TAF4: variants seen among roughly 807,000 people sequenced by gnomAD.
TAF4 encodes TATA-box binding protein associated factor 4.
In TAF4, 9 loss-of-function variants were observed where a neutral mutation model predicts 90.3. The observed-to-expected ratio is 0.10, with a 90% CI of 0.06 to 0.17. TAF4 has a LOEUF of 0.17. Among genes scored for constraint, TAF4 ranks in the 10% least tolerant of loss-of-function variants. TAF4 has a pLI of 1.00. For synonymous variants in TAF4, 818 were observed against 638.9 expected, an observed-to-expected ratio of 1.28 and a Z score of -4.23; for missense variants, 1,351 against 1,370.7, an observed-to-expected ratio of 0.99 and a Z score of 0.23.
chr20:62,062,309 G>C (rs1568945781), intron 1 of TAF4, among the ~76,000 whole-genome samples: 1 of 152,100 alleles, frequency 6.6e-6, no homozygotes, highest in Non-Finnish European at 1.5e-5. Flanking sequence ...AGTAACCAGA[G>C]TATTTGCAAT....
rs1156889580 is a variant in TAF4, at chr20:62,064,865, C to A, written c.946G>T (p.Ala316Ser). 3.2e-6 allele frequency: 3 copies of A among 934,834 alleles called. No individual in the cohort carries two copies. The highest frequency in any genetic ancestry group is 1.3e-4 in the East Asian group (1 of 7,856). The allele number at this position is 934,834 out of a possible 1,614,324, so 57.9% of individuals were successfully genotyped here. A position where few individuals can be genotyped will look rare whatever the true frequency, so the allele number is the denominator to read the frequency against. ...CCCGCGGGGCCCCCGGCGGCCGGGG[C>A]GGGGGCGGGGGCTGCCCCGGCGCTG... ...GGSAGAAPAP[A>S]PAAGGPAGVS... is the part of the protein sequence containing the mutation. Residue 316 changes from alanine to serine, a missense_variant, in exon 1 of 15, where the codon GCC (alanine) becomes TCC (serine). By Grantham distance (99) the Ala-to-Ser change is moderately conservative. Around this residue, in one of 9 missense-constraint regions of TAF4, gnomAD observed 782 missense variants for 536.6 expected, o/e 1.46. Coordinates refer to ENST00000252996, the MANE Select transcript of TAF4 (RefSeq NM_003185.4).
At chr20:62,050,891 G>T (rs960525817) in intron 1 of TAF4, among the ~76,000 whole-genome samples, 7 of 151,954 alleles carry the variant, frequency 4.6e-5, no homozygotes, top group Non-Finnish European at 7.4e-5. Flanking sequence ...CACCCAGCAA[G>T]GCCCCTTTCT....
chr20:62,047,091 T>C (rs560070009), intron 1 of TAF4, among the ~76,000 whole-genome samples: 1 of 152,344 alleles, frequency 6.6e-6, no homozygotes, highest in South Asian at 2.1e-4. Flanking sequence ...TCTGCCCTAT[T>C]AGTTCATGCT....
chr20:62,007,719 T>C lies in TAF4; in HGVS notation c.1885-83A>G. On this transcript the variant is annotated intron_variant, in intron 5 of 14. Coordinates refer to ENST00000252996, the MANE Select transcript of TAF4 (RefSeq NM_003185.4). The stretch of plus-strand genomic sequence containing the variant: ...AATCCCGCATCACTCTGGTCTCGTA[T>C]TTTACGGCTGATTCCGCCCCGAGTT... 1.5e-6 allele frequency: 2 copies of C among 1,351,380 alleles called. 1 individual carries two copies. 83.7% of individuals were successfully genotyped at this position (1,351,380 alleles called of 1,614,324 possible). A position where few individuals can be genotyped will look rare whatever the true frequency, so the allele number is the denominator to read the frequency against.
At chr20:62,000,513 G>A (rs764311318) in intron 10 of TAF4, 39 bp downstream of exon 10, 157 of 1,595,884 alleles carry the variant, frequency 9.8e-5, no homozygotes, top group Non-Finnish European at 1.3e-4. Flanking sequence ...CAGCAGCGCA[G>A]CTGTTTAATA....
chr20:62,018,441 T>C (rs563014297), intron 1 of TAF4, among the ~76,000 whole-genome samples: 2 of 152,334 alleles, frequency 1.3e-5, no homozygotes, highest in African/African-American at 4.8e-5. Context: ...TCTCAAGACA[T>C]AACTAATTTA....
intron 14 of TAF4, chr20:61,980,433 C>T (rs1056645594): frequency 1.3e-5 from 2 of 152,268 alleles, no homozygotes; most frequent in Admixed American, 1.3e-4. Flanking sequence ...AATGCTGTGC[C>T]CACAGCCGCC....
rs2055771362 is a variant in TAF4 at position 62,010,295 on chromosome 20, C to T, written c.1642-130G>A. On this transcript the variant is annotated intron_variant, in intron 3 of 14. Transcript: ENST00000252996. This position sits in a 1 kb window ranked among gnomAD's most constrained non-coding sequence, Gnocchi z 4.5. ...GCCAGGACGCCCAGGAAGCCAAGGA[C>T]CCCGGCCACCTGCCAGCCCGCTGGA... 1.5e-6 allele frequency: 2 copies of T among 1,368,116 alleles called. No homozygotes were observed. Among genetic ancestry groups the T allele is most frequent in the East Asian group, 2.4e-5 (1 of 41,526 alleles). The allele number at this position is 1,368,116 out of a possible 1,614,324, so 84.7% of individuals were successfully genotyped here.
At chr20:61,990,661 C>A (rs1250097846) in intron 14 of TAF4, among the ~76,000 whole-genome samples, 1 of 152,172 alleles carries the variant, frequency 6.6e-6, no homozygotes, top group Non-Finnish European at 1.5e-5. Flanking sequence ...CGCAAATGCC[C>A]ACACTGACCT....
At chr20:62,009,199 G>A (rs749470799) in intron 4 of TAF4, 25 bp from the exon 5 acceptor site, 3 of 1,585,298 alleles carry the variant, frequency 1.9e-6, no homozygotes, top group African/African-American at 1.4e-5. Flanking sequence ...AAAGATATAA[G>A]TGAAAAATCT....
chr20:61,986,045 C>A (rs866271878), intron 14 of TAF4, among the ~76,000 whole-genome samples: 72 of 101,954 alleles, frequency 7.1e-4, no homozygotes, highest in South Asian at 4.2e-3. Context: ...CACCATCCCC[C>A]ATCAAAGGAA....
Position 61,975,932 on chromosome 20 carries a change from G to C in TAF4, c.*236C>G. 1.9e-6 allele frequency: 1 copy of C among 513,372 alleles called. No homozygotes were observed. Among genetic ancestry groups the C allele is most frequent in the Non-Finnish European group, 3.5e-6 (1 of 289,238 alleles). The allele number at this position is 513,372 out of a possible 1,614,324, so 31.8% of individuals were successfully genotyped here. ...TATATATGGCTTGTTTGGCAGGAAG[G>C]CCACTCAATCAAGATGAGTTAAGAT... On this transcript the variant is annotated 3_prime_UTR_variant, in exon 15 of 15. Transcript: ENST00000252996.
rs2055496751 is a variant in TAF4 at position 61,976,672 on chromosome 20, T to C, written c.3091-337A>G. Reference sequence around the variant, plus strand: ...TGAGCGGCCCCAGGGCCACCCTCCATGTGACCACAGCTGGACTGCCTGTGG... The same window carrying C: ...TGAGCGGCCCCAGGGCCACCCTCCACGTGACCACAGCTGGACTGCCTGTGG... On this transcript the variant is annotated intron_variant, in intron 14 of 14. Coordinates refer to ENST00000252996, the MANE Select transcript of TAF4 (RefSeq NM_003185.4). Among the ~76,000 whole-genome samples, 3 of 152,220 alleles carry C rather than the reference T, an allele frequency of 2.0e-5. 1 individual carries two copies. The highest frequency in any genetic ancestry group is 4.1e-4 in the South Asian group (2 of 4,836).
At chr20:62,004,148 G>T (rs1037266127) in intron 7 of TAF4, among the ~76,000 whole-genome samples, 1 of 152,158 alleles carries the variant, frequency 6.6e-6, no homozygotes, top group East Asian at 1.9e-4. Context: ...CCTAGAAGCT[G>T]CCCCTGGGCA....
At chr20:61,994,487 C>T (rs1338941252) in intron 14 of TAF4, among the ~76,000 whole-genome samples, 2 of 152,388 alleles carry the variant, frequency 1.3e-5, no homozygotes, top group African/African-American at 4.8e-5. Flanking sequence ...TTGTACCAGA[C>T]ATTTTAACCT....
chr20:62,029,690 G>A (rs909754910), intron 1 of TAF4, among the ~76,000 whole-genome samples: 4 of 152,270 alleles, frequency 2.6e-5, no homozygotes, highest in South Asian at 2.1e-4. Flanking sequence ...GGCGGATCAC[G>A]AGGTCAGGAG....
intron 1 of TAF4, among the ~76,000 whole-genome samples, chr20:62,026,242 C>G (rs2055874076): frequency 6.6e-6 from 1 of 152,140 alleles, no homozygotes; most frequent in Non-Finnish European, 1.5e-5. Context: ...CCACCACACA[C>G]AAAAACCAGG....
At chr20:61,992,725 T>C (rs1416377717) in intron 14 of TAF4, among the ~76,000 whole-genome samples, 2 of 152,160 alleles carry the variant, frequency 1.3e-5, no homozygotes, top group East Asian at 3.9e-4. Flanking sequence ...AGAAACCAGT[T>C]CTTGGAGAAA....
chr20:62,020,616 G>A (rs2055837287), intron 1 of TAF4, among the ~76,000 whole-genome samples: 1 of 152,166 alleles, frequency 6.6e-6, no homozygotes, highest in Non-Finnish European at 1.5e-5. Context: ...CCCTCCACCA[G>A]ATGGGCAAAC....
Sources: allele counts gnomAD v4.1 joint callset (sites outside exome capture counted in the v4.1 genomes callset), GRCh38; gene constraint gnomAD v4.1.1; regional missense constraint gnomAD v4.1.1; non-coding constraint Gnocchi (gnomAD v3.1); transcripts MANE v1.5; gene names NCBI Gene and HGNC (gene_info 2026-07-23, HGNC 2026-07-21).